ZFPM2: variants seen among roughly 807,000 people sequenced by gnomAD.
ZFPM2 encodes zinc finger protein ZFPM2.
In ZFPM2, 20 loss-of-function variants were observed where a neutral mutation model predicts 98.6. That is an observed-to-expected ratio of 0.20 (90% CI 0.14 to 0.29). The LOEUF (loss-of-function observed/expected upper bound fraction) is 0.29. ZFPM2 is among the 10% of genes least tolerant of loss of function. The pLI is 1.00. For synonymous variants in ZFPM2, 518 were observed against 502.7 expected (o/e 1.03, Z -0.41); for missense variants, 1,310 against 1,388.6 (o/e 0.94, Z 0.90).
chr8:105,675,569 A>C (rs552924017), intron 5 of ZFPM2, among the ~76,000 whole-genome samples: 1 of 152,282 alleles, frequency 6.6e-6, no homozygotes, highest in South Asian at 2.1e-4. Flanking sequence ...GTGGGCCAGA[A>C]CGTGGAGTTG....
intron 3 of ZFPM2, among the ~76,000 whole-genome samples, chr8:105,522,507 C>T (rs1455099524): frequency 6.6e-6 from 1 of 152,080 alleles, no homozygotes. Flanking sequence ...CGCGGTGGCT[C>T]ACGCCTGTAA....
chr8:105,338,266 G>A (rs558526840), intron 1 of ZFPM2, among the ~76,000 whole-genome samples: 2 of 151,682 alleles, frequency 1.3e-5, no homozygotes, highest in African/African-American at 4.8e-5. Context: ...ACTACATAAT[G>A]ATATGCTTTG....
At chr8:105,411,068 G>A (rs1037728353) in intron 1 of ZFPM2, among the ~76,000 whole-genome samples, 1 of 151,800 alleles carries the variant, frequency 6.6e-6, no homozygotes. Flanking sequence ...ATAATAATTT[G>A]ACACTGTGTC....
chr8:105,419,037 T>C, intron 1 of ZFPM2, 107 bp from the exon 2 acceptor site: 1 of 947,096 alleles, frequency 1.1e-6, no homozygotes, highest in Non-Finnish European at 1.6e-6. Flanking sequence ...CTACTTAGAG[T>C]ATATTATTTT....
At chr8:105,686,075 C>A (rs1478765943) in intron 5 of ZFPM2, among the ~76,000 whole-genome samples, 1 of 151,948 alleles carries the variant, frequency 6.6e-6, no homozygotes, top group Admixed American at 6.6e-5. Flanking sequence ...TGATAAACAC[C>A]TTAAACTTTA....
chr8:105,693,368 C>G (rs903541885), intron 5 of ZFPM2, among the ~76,000 whole-genome samples: 4 of 152,160 alleles, frequency 2.6e-5, no homozygotes, highest in African/African-American at 7.2e-5. Context: ...GTTGGGACTT[C>G]TGACAAGCAG....
intron 3 of ZFPM2, among the ~76,000 whole-genome samples, chr8:105,521,411 G>C (rs926369024): frequency 1.3e-5 from 2 of 151,638 alleles, no homozygotes; most frequent in Admixed American, 6.6e-5. Flanking sequence ...AGGGGGGAGG[G>C]GGGGAGGGAT....
At chr8:105,449,564 AACT>A (rs1812445568) in intron 3 of ZFPM2, among the ~76,000 whole-genome samples, 2 of 152,062 alleles carry the variant, frequency 1.3e-5, no homozygotes, top group African/African-American at 4.8e-5. Context: ...CAAATATTAA[AACT>A]TGCTGCTACG....
intron 3 of ZFPM2, among the ~76,000 whole-genome samples, chr8:105,560,176 A>G (rs1387470842): frequency 2.4e-5 from 2 of 85,104 alleles, no homozygotes; most frequent in Non-Finnish European, 4.1e-5. Context: ...TCTCAAAAAA[A>G]AAAAAAAAAA....
At chr8:105,726,982 G>C (rs1364423839) in intron 5 of ZFPM2, among the ~76,000 whole-genome samples, 1 of 151,720 alleles carries the variant, frequency 6.6e-6, no homozygotes, top group African/African-American at 2.4e-5. Flanking sequence ...TAGTCACAAA[G>C]TGTATAGTGA....
intron 4 of ZFPM2, among the ~76,000 whole-genome samples, chr8:105,571,902 A>G (rs1333542657): frequency 6.6e-6 from 1 of 152,164 alleles, no homozygotes; most frequent in African/African-American, 2.4e-5. Context: ...CTCAGGTGGC[A>G]TTGACAACCT....
At chr8:105,457,871 C>T (rs375537848) in intron 3 of ZFPM2, among the ~76,000 whole-genome samples, 9 of 152,148 alleles carry the variant, frequency 5.9e-5, no homozygotes, top group African/African-American at 2.2e-4. Context: ...AGGGAAAATA[C>T]AGTTTCCTGC....
intron 5 of ZFPM2, among the ~76,000 whole-genome samples, chr8:105,703,265 T>C (rs1811179600): frequency 6.6e-6 from 1 of 152,178 alleles, no homozygotes; most frequent in African/African-American, 2.4e-5. Context: ...TACTTGGCAC[T>C]GCACTTAGTG....
chr8:105,319,875 C>T (rs2130638629), intron 1 of ZFPM2: 1 of 152,368 alleles, frequency 6.6e-6, no homozygotes, highest in Admixed American at 6.5e-5. Context: ...AACAGGCACG[C>T]TCGCAGAGAT....
rs193179142 is a variant in ZFPM2 at position 105,568,088 on chromosome 8, G to C, written c.420+6607G>C. ...CTGGCCTTTCTTCTCTTCTCCCTCT[G>C]TTCCCAGTGCCTCAGGGAGCTTATC... On this transcript the variant is annotated intron_variant, in intron 4 of 7. Coordinates refer to ENST00000407775, the MANE Select transcript of ZFPM2 (RefSeq NM_012082.4). 1.6e-3 allele frequency among the ~76,000 whole-genome samples: 240 copies of C among 152,026 alleles called. 2 individuals carry two copies. The highest frequency in any genetic ancestry group is 5.4e-3 in the African/African-American group (223 of 41,404).
chr8:105,796,942 A>AAGAC (rs1813840963), intron 6 of ZFPM2: 1 of 152,242 alleles, frequency 6.6e-6, no homozygotes, highest in African/African-American at 2.4e-5. Context: ...CCCTAGCCTG[A>AAGAC]AGACATCACC....
At position 105,802,121 on chromosome 8, in the gene ZFPM2, G is replaced by A. The variant is rs1814042230; in HGVS notation, c.2039G>A (p.Gly680Glu). The change falls in exon 8 of 8, where the codon GGG (glycine) becomes GAG (glutamate). Residue 680 changes from glycine to glutamate, a missense_variant. Transcript: ENST00000407775. ...VKNPSVPLVD[G>E]ESDPNKTTCE... ...AATCCCAGTGTCCCCTTAGTGGATG[G>A]GGAAAGTGACCCAAATAAGACTACC... 1 of 1,613,704 alleles carries A rather than the reference G, an allele frequency of 6.2e-7. No homozygotes were observed. The highest frequency in any genetic ancestry group is 1.3e-5 in the African/African-American group (1 of 74,910).
At chr8:105,519,913 C>T (rs1015201755) in intron 3 of ZFPM2, among the ~76,000 whole-genome samples, 1 of 151,802 alleles carries the variant, frequency 6.6e-6, no homozygotes, top group Non-Finnish European at 1.5e-5. Context: ...AACCTTTATT[C>T]CACCTTCATT....
chr8:105,738,845 T>C (rs1397063807), intron 5 of ZFPM2, among the ~76,000 whole-genome samples: 1 of 152,056 alleles, frequency 6.6e-6, no homozygotes, highest in African/African-American at 2.4e-5. Flanking sequence ...AATGCAAATA[T>C]AGATTTTGAT....
Sources: gnomAD v4.1 joint callset for allele counts (sites outside exome capture counted in the v4.1 genomes callset) on GRCh38, gnomAD v4.1.1 for gene constraint, MANE v1.5 for transcripts, NCBI Gene and HGNC (gene_info 2026-07-23, HGNC 2026-07-21) for gene names.